The following TRABD2A variants were observed in gnomAD, a reference collection of about 807,000 sequenced individuals.
The protein encoded by TRABD2A is metalloprotease TIKI1.
Under a neutral mutation model 45.6 loss-of-function variants are expected in TRABD2A, and 43 were observed. The ratio of observed to expected loss-of-function variants is 0.94; its 90% confidence interval spans 0.74 to 1.22. TRABD2A has a LOEUF of 1.22. TRABD2A is among the 50% of genes most tolerant of loss of function. The pLI is 0.00. For missense variants in TRABD2A, 642 were observed against 652.4 expected, an observed-to-expected ratio of 0.98 and a Z score of 0.17; for synonymous variants, 269 against 265.0, an observed-to-expected ratio of 1.02 and a Z score of -0.15.
At chr2:84,858,882 C>G (rs1202081310) in intron 2 of TRABD2A, among the ~76,000 whole-genome samples, 1 of 152,318 alleles carries the variant, frequency 6.6e-6, no homozygotes, top group African/African-American at 2.4e-5. Flanking sequence ...AATCCCCATG[C>G]TTTGGGAGGC....
chr2:84,854,465 C>A (rs1263619163), intron 2 of TRABD2A, among the ~76,000 whole-genome samples: 1 of 152,192 alleles, frequency 6.6e-6, no homozygotes, highest in African/African-American at 2.4e-5. Flanking sequence ...TTTCATCATA[C>A]CCCTTTTAGA....
chr2:84,824,606 A>G (rs1334945460), intron 5 of TRABD2A, among the ~76,000 whole-genome samples: 1 of 136,146 alleles, frequency 7.3e-6, no homozygotes, highest in Non-Finnish European at 1.5e-5. Context: ...GCTGGAGTGC[A>G]GTGGCCCAAT....
At chr2:84,859,684 T>A (rs1682430150) in intron 2 of TRABD2A, among the ~76,000 whole-genome samples, 1 of 152,192 alleles carries the variant, frequency 6.6e-6, no homozygotes, top group Non-Finnish European at 1.5e-5. Flanking sequence ...GTTCTCCAAC[T>A]TGCTTGTGCA....
chr2:84,870,196 C>A, intron 2 of TRABD2A, 29 bp downstream of exon 2: 1 of 1,571,886 alleles, frequency 6.4e-7, no homozygotes, highest in South Asian at 1.2e-5. Context: ...CCAAATGCCA[C>A]TAAGTCTTTT....
intron 4 of TRABD2A, chr2:84,835,781 A>G (rs1006105910): frequency 6.6e-6 from 1 of 151,914 alleles, no homozygotes; most frequent in African/African-American, 2.4e-5. Flanking sequence ...ACATGGTGGA[A>G]GGCACAAGGG....
intron 1 of TRABD2A, among the ~76,000 whole-genome samples, chr2:84,876,081 G>A (rs371821934): frequency 6.6e-6 from 1 of 152,264 alleles, no homozygotes; most frequent in East Asian, 1.9e-4. Flanking sequence ...AAGGACGGGG[G>A]TGAAACAGGA....
At chr2:84,864,420 G>A (rs1488484715) in intron 2 of TRABD2A, among the ~76,000 whole-genome samples, 2 of 152,192 alleles carry the variant, frequency 1.3e-5, no homozygotes, top group African/African-American at 2.4e-5. Flanking sequence ...AATAAACCCT[G>A]TGTCTCATTT....
chr2:84,856,852 G>A (rs1559093534), intron 2 of TRABD2A, among the ~76,000 whole-genome samples: 2 of 152,160 alleles, frequency 1.3e-5, no homozygotes, highest in Admixed American at 1.3e-4. Context: ...CCCCGCCAAA[G>A]GTCATGTTGA....
At chr2:84,829,476 C>T (rs1037045449) in intron 5 of TRABD2A, among the ~76,000 whole-genome samples, 12 of 148,328 alleles carry the variant, frequency 8.1e-5, no homozygotes, top group African/African-American at 2.5e-4. Context: ...TACCACAATG[C>T]ACACCCCACA....
rs1465769776 is a variant in TRABD2A, at chr2:84,870,316, G to T, written c.578C>A (p.Ala193Asp). The T allele has an allele frequency of 1.2e-6, 2 of 1,614,004 alleles. No homozygotes were observed. Among genetic ancestry groups the T allele is most frequent in the Non-Finnish European group, 1.7e-6 (2 of 1,179,896 alleles). ...RGVPVLDLFL[A>D]QEAERLRKQT... ...TTTCCTCAGCCGCTCAGCCTCCTGG[G>T]CAAGGAACAGGTCTAAGACAGGCAC... Residue 193 changes from alanine (A) to aspartate (D), a missense_variant, in exon 2 of 7, where the codon GCC becomes GAC. Physicochemically the swap from Ala to Asp is moderately radical, Grantham distance 126. Transcript: ENST00000409520.
chr2:84,846,286 G>A lies in TRABD2A; in HGVS notation c.670-4279C>T, dbSNP rs116193869. Among the ~76,000 whole-genome samples the A allele has an allele frequency of 5.6e-3, 850 of 152,238 alleles. 9 individuals carry two copies. The highest frequency in any genetic ancestry group is 0.019 in the African/African-American group (796 of 41,532). On this transcript the variant is annotated intron_variant, in intron 2 of 6. Transcript: ENST00000409520. ...GCATGATTTCCTGTAATCACCACAC[G>A]CCTTTCCTTTCAGAGCTGCTGCAAT...
At chr2:84,878,410 A>T (rs190849149) in intron 1 of TRABD2A, among the ~76,000 whole-genome samples, 278 of 152,182 alleles carry the variant, frequency 1.8e-3, no homozygotes, top group African/African-American at 6.3e-3. Flanking sequence ...CTGTAATCCC[A>T]GCTGCTCAGG....
intron 2 of TRABD2A, among the ~76,000 whole-genome samples, chr2:84,856,587 G>A (rs558165926): frequency 6.6e-6 from 1 of 152,276 alleles, no homozygotes; most frequent in South Asian, 2.1e-4. Context: ...ATTTTAATCT[G>A]AAGAAGTGCT....
chr2:84,859,831 A>G lies in TRABD2A; in HGVS notation c.669+10394T>C, dbSNP rs374045852. ...CAGATGATGCTGATGCTGCCAGTCC[A>G]GGGACACACTTTGAGAACCACTGGT... On this transcript the variant is annotated intron_variant, in intron 2 of 6. Coordinates refer to ENST00000409520, the MANE Select transcript of TRABD2A (RefSeq NM_001277053.2). Among the ~76,000 whole-genome samples the G allele has an allele frequency of 2.0e-5, 3 of 152,288 alleles. No homozygotes were observed. The East Asian group carries it at 5.8e-4, about 29-fold the overall frequency.
intron 6 of TRABD2A, among the ~76,000 whole-genome samples, chr2:84,822,623 A>G (rs555673026): frequency 1.3e-5 from 2 of 152,312 alleles, no homozygotes; most frequent in South Asian, 4.1e-4. Flanking sequence ...TGAGGTATAA[A>G]GTGCCCAACC....
intron 2 of TRABD2A, among the ~76,000 whole-genome samples, chr2:84,855,896 C>A (rs1241132022): frequency 2.0e-5 from 3 of 152,118 alleles, no homozygotes; most frequent in Non-Finnish European, 2.9e-5. Flanking sequence ...CAAAGGCCCC[C>A]CAGCGAGTCT....
At chr2:84,870,862 C>A in intron 1 of TRABD2A, 77 bp from the exon 2 acceptor site, 1 of 1,327,376 alleles carries the variant, frequency 7.5e-7, no homozygotes, top group East Asian at 2.5e-5. Context: ...GGAAATGAAT[C>A]AGTCACATTT....
intron 1 of TRABD2A, chr2:84,874,659 A>T (rs554777991): frequency 6.3e-6 from 1 of 158,922 alleles, no homozygotes; most frequent in African/African-American, 2.4e-5. Flanking sequence ...CCTGAGTTGC[A>T]CCGGGAGTGA....
intron 1 of TRABD2A, among the ~76,000 whole-genome samples, chr2:84,878,893 A>G (rs1683117288): frequency 6.6e-6 from 1 of 152,232 alleles, no homozygotes; most frequent in Non-Finnish European, 1.5e-5. Flanking sequence ...GCAGGGGGTA[A>G]GACAGAGTTT....
Sources: gnomAD v4.1 joint callset for allele counts (sites outside exome capture counted in the v4.1 genomes callset) on GRCh38, gnomAD v4.1.1 for gene constraint, MANE v1.5 for transcripts, NCBI Gene and HGNC (gene_info 2026-07-23, HGNC 2026-07-21) for gene names.